Variants in RBFOX1 observed in about 807,000 individuals in gnomAD.
RBFOX1 encodes RNA binding fox-1 homolog 1, also known as RNA binding protein fox-1 homolog 1.
A neutral mutation model predicts 57.7 loss-of-function variants in RBFOX1; 8 were observed. The ratio of observed to expected loss-of-function variants is 0.14; its 90% CI spans 0.08 to 0.25. The LOEUF is 0.25. RBFOX1 is among the 10% of genes least tolerant of loss of function. The pLI, the probability that RBFOX1 is intolerant of heterozygous loss-of-function variation, is 1.00. For synonymous variants in RBFOX1, 326 were observed against 222.4 expected, an observed-to-expected ratio of 1.47 and a Z score of -4.15; for missense variants, 611 against 548.5, an observed-to-expected ratio of 1.11 and a Z score of -1.14.
chr16:6,839,851 C>G (rs1037335152), intron 3 of RBFOX1, among the ~76,000 whole-genome samples: 22 of 152,192 alleles, frequency 1.4e-4, no homozygotes, highest in Admixed American at 2.6e-4. Flanking sequence ...TCTGTTCTTA[C>G]GTGATATTTG....
At chr16:7,028,910 A>C (rs1331029657) in intron 3 of RBFOX1, among the ~76,000 whole-genome samples, 10 of 151,100 alleles carry the variant, frequency 6.6e-5, no homozygotes, top group Non-Finnish European at 1.5e-4. Flanking sequence ...TGTTGCTAGG[A>C]AAGTTTGCAA....
intron 2 of RBFOX1, among the ~76,000 whole-genome samples, chr16:5,571,578 C>T (rs2046286195): frequency 6.6e-6 from 1 of 151,980 alleles, no homozygotes; most frequent in African/African-American, 2.4e-5. Flanking sequence ...CACATCTGCG[C>T]CCACCGCCAG....
intron 3 of RBFOX1, among the ~76,000 whole-genome samples, chr16:6,836,750 G>T (rs953813611): frequency 2.0e-5 from 3 of 152,140 alleles, no homozygotes; most frequent in Admixed American, 1.3e-4. Context: ...TTTTCTTAAA[G>T]TATAACACCA....
chr16:5,559,827 C>A (rs1448781331), intron 2 of RBFOX1, among the ~76,000 whole-genome samples: 1 of 152,216 alleles, frequency 6.6e-6, no homozygotes, highest in African/African-American at 2.4e-5. Context: ...TGTGCACGGA[C>A]TAGCCCCTGC....
intron 4 of RBFOX1, among the ~76,000 whole-genome samples, chr16:7,245,638 C>T (rs956394673): frequency 1.1e-4 from 16 of 152,194 alleles, no homozygotes; most frequent in African/African-American, 3.9e-4. Flanking sequence ...AAGAGCTATG[C>T]TGATAAACAA....
chr16:5,625,300 T>C (rs1358645085), intron 3 of RBFOX1, among the ~76,000 whole-genome samples: 5 of 151,990 alleles, frequency 3.3e-5, no homozygotes, highest in African/African-American at 9.7e-5. Flanking sequence ...AATGATGCAA[T>C]GGAGTCTCTG....
intron 1 of RBFOX1, among the ~76,000 whole-genome samples, chr16:6,256,060 G>T (rs948903385): frequency 6.7e-6 from 1 of 148,204 alleles, no homozygotes; most frequent in East Asian, 2.0e-4. Flanking sequence ...AAATAAATAA[G>T]TAAATAAATA....
chr16:5,455,372 A>C (rs1423021126), intron 1 of RBFOX1, among the ~76,000 whole-genome samples: 1 of 152,096 alleles, frequency 6.6e-6, no homozygotes, highest in African/African-American at 2.4e-5. Context: ...GAAGCCGCCT[A>C]GTATCACTTA....
chr16:5,352,532 A>T (rs1271078211), intron 1 of RBFOX1, among the ~76,000 whole-genome samples: 1 of 152,172 alleles, frequency 6.6e-6, no homozygotes. Context: ...CCCATTTGAG[A>T]GTCAGTAGCA....
At chr16:6,320,053 C>T (rs1236601803) in intron 2 of RBFOX1, among the ~76,000 whole-genome samples, 2 of 151,950 alleles carry the variant, frequency 1.3e-5, no homozygotes, top group South Asian at 2.1e-4. Context: ...ATTTCAAAAG[C>T]ATACTCTTAA....
At chr16:6,228,155 A>G (rs1258363904) in intron 1 of RBFOX1, among the ~76,000 whole-genome samples, 1 of 152,028 alleles carries the variant, frequency 6.6e-6, no homozygotes, top group Non-Finnish European at 1.5e-5. Flanking sequence ...TAGTAAAAAT[A>G]CAAAAAATAT....
chr16:6,170,617 A>C (rs1393785915), intron 1 of RBFOX1, among the ~76,000 whole-genome samples: 1 of 152,208 alleles, frequency 6.6e-6, no homozygotes, highest in African/African-American at 2.4e-5. Context: ...TTTTAGGCTC[A>C]GGGGTGCATA....
chr16:6,024,322 G>A (rs1040559709), intron 1 of RBFOX1, among the ~76,000 whole-genome samples: 4 of 152,078 alleles, frequency 2.6e-5, no homozygotes, highest in Non-Finnish European at 4.4e-5. Context: ...TAAGCAAGAC[G>A]TTGAAATATA....
chr16:5,441,881 A>G (rs989529326), intron 1 of RBFOX1, among the ~76,000 whole-genome samples: 1 of 152,188 alleles, frequency 6.6e-6, no homozygotes, highest in African/African-American at 2.4e-5. Context: ...AACTGACACC[A>G]TGATTCAGTA....
intron 3 of RBFOX1, among the ~76,000 whole-genome samples, chr16:5,708,053 A>G (rs1394181851): frequency 6.6e-6 from 1 of 152,184 alleles, no homozygotes; most frequent in Non-Finnish European, 1.5e-5. Flanking sequence ...AGAATAAAAG[A>G]AGGAGGCTAG....
chr16:6,820,259 T>G (rs1416544098), intron 3 of RBFOX1, among the ~76,000 whole-genome samples: 1 of 152,178 alleles, frequency 6.6e-6, no homozygotes, highest in Non-Finnish European at 1.5e-5. Context: ...TCTTTATAAA[T>G]TGTCCAGTCT....
At chr16:6,077,320 T>TAAA (rs3048139) in intron 1 of RBFOX1, among the ~76,000 whole-genome samples, 17 of 151,710 alleles carry the variant, frequency 1.1e-4, no homozygotes, top group African/African-American at 4.1e-4. Context: ...CTTTAGGTGT[T>TAAA]AAAAAACAAG....
chr16:5,242,265 G>A (rs1027001988), intron 1 of RBFOX1, among the ~76,000 whole-genome samples: 1 of 152,190 alleles, frequency 6.6e-6, no homozygotes, highest in Admixed American at 6.5e-5. Flanking sequence ...GGTCCACAGA[G>A]GGAAATGTGA....
intron 4 of RBFOX1, among the ~76,000 whole-genome samples, chr16:7,286,172 T>C (rs188374852): frequency 6.6e-6 from 1 of 152,336 alleles, no homozygotes; most frequent in Non-Finnish European, 1.5e-5. Flanking sequence ...TGAAATAATT[T>C]ATGTAAATCA....
Sources: allele counts gnomAD v4.1 joint callset (sites outside exome capture counted in the v4.1 genomes callset), GRCh38; gene constraint gnomAD v4.1.1; transcripts MANE v1.5; gene names NCBI Gene and HGNC (gene_info 2026-07-23, HGNC 2026-07-21).